PARM1: variants seen among roughly 807,000 people sequenced by gnomAD.
The protein encoded by PARM1 is WSC4, cell wall integrity and stress response component 4 homolog.
A neutral mutation model predicts 24.6 loss-of-function variants in PARM1; 14 were observed. The observed-to-expected ratio is 0.57, with a 90% CI of 0.38 to 0.89. The LOEUF is 0.89. Ranked by LOEUF, PARM1 falls within the 40% of genes least tolerant of loss-of-function variation. The pLI, the probability that PARM1 is intolerant of heterozygous loss-of-function variation, is 0.00. For synonymous variants in PARM1, 179 were observed against 156.6 expected, an observed-to-expected ratio of 1.14 and a Z score of -1.07; for missense variants, 362 against 380.4, an observed-to-expected ratio of 0.95 and a Z score of 0.40.
chr4:74,938,255 A>G (rs1167772526), intron 1 of PARM1, among the ~76,000 whole-genome samples: 1 of 152,194 alleles, frequency 6.6e-6, no homozygotes, highest in East Asian at 1.9e-4. Flanking sequence ...AATTTACCCT[A>G]AGGGGATTAT....
At chr4:75,045,393 G>A (rs1266416762) in intron 3 of PARM1, among the ~76,000 whole-genome samples, 1 of 152,224 alleles carries the variant, frequency 6.6e-6, no homozygotes, top group Non-Finnish European at 1.5e-5. Context: ...ACAGAGGAGT[G>A]ATAACAATCT....
chr4:74,973,876 G>T (rs1722089051), intron 1 of PARM1, among the ~76,000 whole-genome samples: 1 of 152,004 alleles, frequency 6.6e-6, no homozygotes, highest in African/African-American at 2.4e-5. Flanking sequence ...GTGTGTCTGT[G>T]TGTGGGTGTA....
At chr4:74,943,026 C>CTT (rs1721342688) in intron 1 of PARM1, among the ~76,000 whole-genome samples, 1 of 152,190 alleles carries the variant, frequency 6.6e-6, no homozygotes, top group African/African-American at 2.4e-5. Flanking sequence ...GCTAAGTCCT[C>CTT]TGTCTGGAGT....
chr4:74,948,800 A>G (rs113725648), intron 1 of PARM1, among the ~76,000 whole-genome samples: 5,417 of 152,270 alleles, frequency 0.036, 112 homozygotes, highest in Non-Finnish European at 0.054. Context: ...AGGCGGGTGG[A>G]TCACGAGGTC....
At chr4:74,989,975 T>C (rs765469839) in intron 1 of PARM1, among the ~76,000 whole-genome samples, 2 of 151,952 alleles carry the variant, frequency 1.3e-5, no homozygotes, top group African/African-American at 4.8e-5. Flanking sequence ...ATCATGGAAA[T>C]GTAGAAAAAA....
chr4:74,936,307 C>T (rs1721182257), intron 1 of PARM1, among the ~76,000 whole-genome samples: 2 of 152,248 alleles, frequency 1.3e-5, no homozygotes, highest in African/African-American at 4.8e-5. Context: ...CCAGAGCCTC[C>T]AACCTTTATC....
chr4:75,003,911 G>A (rs1211221890), intron 1 of PARM1, among the ~76,000 whole-genome samples: 1 of 152,030 alleles, frequency 6.6e-6, no homozygotes, highest in African/African-American at 2.4e-5. Context: ...AATACCTGCT[G>A]AAATTCAATT....
intron 2 of PARM1, among the ~76,000 whole-genome samples, chr4:75,016,472 T>A (rs1236053116): frequency 6.6e-6 from 1 of 152,154 alleles, no homozygotes; most frequent in Admixed American, 6.5e-5. Flanking sequence ...GTATATTGCG[T>A]GATGCTGAGG....
chr4:75,043,559 A>T (rs1349865632), intron 3 of PARM1, among the ~76,000 whole-genome samples: 3 of 152,218 alleles, frequency 2.0e-5, no homozygotes, highest in African/African-American at 7.2e-5. Context: ...TTCAATTACC[A>T]TACAAGGTGA....
intron 1 of PARM1, among the ~76,000 whole-genome samples, chr4:74,957,543 G>C (rs1386703398): frequency 6.6e-6 from 1 of 152,182 alleles, no homozygotes; most frequent in Admixed American, 6.6e-5. Context: ...ATTGATTAGA[G>C]GTTTTTGTTC....
rs77188454 is a variant in PARM1, at chr4:75,049,897, A to G, written c.*3650A>G. The stretch of plus-strand genomic sequence containing the variant: ...TTTTTTTTTGGCAAATGAATGTACC[A>G]TTTCAACTTTGATTTTAATAGTGCT... On this transcript the variant is annotated 3_prime_UTR_variant, in exon 4 of 4. Transcript: ENST00000307428. 1.8e-3 allele frequency: 248 copies of G among 136,036 alleles called. No individual in the cohort carries two copies. The highest frequency in any genetic ancestry group is 7.0e-3 in the African/African-American group (229 of 32,896). The allele number at this position is 136,036 out of a possible 1,614,324, so 8.4% of individuals were successfully genotyped here. A position where few individuals can be genotyped will look rare whatever the true frequency, so the allele number is the denominator to read the frequency against.
chr4:74,998,748 T>A (rs1379769457), intron 1 of PARM1, among the ~76,000 whole-genome samples: 1 of 152,234 alleles, frequency 6.6e-6, no homozygotes, highest in Non-Finnish European at 1.5e-5. Flanking sequence ...CTCCCAATAA[T>A]TGACTTCCCT....
intron 1 of PARM1, 103 bp downstream of exon 1, chr4:74,933,473 G>C (rs771220839): frequency 9.1e-6 from 9 of 986,754 alleles, no homozygotes; most frequent in Non-Finnish European, 1.3e-5. Flanking sequence ...GAGTCGCCGC[G>C]CGCCTCCGGG....
chr4:75,030,252 C>G (rs1452491170), intron 2 of PARM1, among the ~76,000 whole-genome samples: 1 of 152,154 alleles, frequency 6.6e-6, no homozygotes, highest in African/African-American at 2.4e-5. Context: ...CTAAATAGTA[C>G]TGGGTCCAAA....
chr4:74,987,286 G>A (rs554778776), intron 1 of PARM1, among the ~76,000 whole-genome samples: 1 of 152,206 alleles, frequency 6.6e-6, no homozygotes, highest in African/African-American at 2.4e-5. Context: ...GTGGTTGGAG[G>A]ACAGGATCAC....
chr4:74,993,941 G>T (rs1722524603), intron 1 of PARM1: 1 of 152,080 alleles, frequency 6.6e-6, no homozygotes, highest in African/African-American at 2.4e-5. Context: ...ATAAATAAAA[G>T]TCTAAGGAAC....
intron 2 of PARM1, among the ~76,000 whole-genome samples, chr4:75,019,203 A>C (rs538865837): frequency 3.2e-4 from 49 of 152,320 alleles, no homozygotes; most frequent in African/African-American, 1.2e-3. Context: ...CAAGGATGAA[A>C]ACTATGACTA....
At chr4:75,008,787 G>T (rs1364707542) in intron 1 of PARM1, among the ~76,000 whole-genome samples, 1 of 152,148 alleles carries the variant, frequency 6.6e-6, no homozygotes, top group East Asian at 1.9e-4. Flanking sequence ...TGAATGAATT[G>T]GTTCTCCTTT....
At chr4:75,027,050 A>C (rs1009274477) in intron 2 of PARM1, among the ~76,000 whole-genome samples, 3 of 152,102 alleles carry the variant, frequency 2.0e-5, no homozygotes, top group African/African-American at 7.2e-5. Flanking sequence ...CATCCATCAG[A>C]GAACAGCTTC....
Sources: allele counts gnomAD v4.1 joint callset (sites outside exome capture counted in the v4.1 genomes callset), GRCh38; gene constraint gnomAD v4.1.1; transcripts MANE v1.5; gene names NCBI Gene and HGNC (gene_info 2026-07-23, HGNC 2026-07-21).